DDX19B: variants seen among roughly 807,000 people sequenced by gnomAD.
DDX19B encodes DEAD-box helicase 19B.
DDX19B carries 27 observed loss-of-function variants against 58.1 expected under a neutral mutation model. That is an observed-to-expected ratio of 0.46 (90% CI 0.34 to 0.64). The LOEUF (loss-of-function observed/expected upper bound fraction) is 0.64. Ranked by LOEUF, DDX19B falls within the 30% of genes least tolerant of loss-of-function variation. The probability of loss-of-function intolerance (pLI) is 0.01; values close to 1 mark genes in which losing one functional copy is unlikely to be tolerated. For missense variants in DDX19B, 399 were observed against 596.5 expected (o/e 0.67, Z 3.45); for synonymous variants, 187 against 214.4 (o/e 0.87, Z 1.12).
At chr16:70,323,419 TTC>T (rs1213447909) in intron 5 of DDX19B, among the ~76,000 whole-genome samples, 1 of 147,212 alleles carries the variant, frequency 6.8e-6, no homozygotes, top group African/African-American at 2.5e-5. Flanking sequence ...CCTGCTTTTT[TTC>T]TTTTTTCTTT....
intron 7 of DDX19B, among the ~76,000 whole-genome samples, chr16:70,329,087 G>A (rs1170580598): frequency 6.6e-6 from 1 of 151,508 alleles, no homozygotes; most frequent in African/African-American, 2.4e-5. Flanking sequence ...GCCAGGTGCA[G>A]TGGCAGGTGC....
chr16:70,331,695 C>G, intron 9 of DDX19B, 27 bp from the exon 10 acceptor site: 1 of 1,606,340 alleles, frequency 6.2e-7, no homozygotes, highest in Non-Finnish European at 8.5e-7. Context: ...CAGGTCTCTT[C>G]ATAAAAAACA....
At chr16:70,316,226 TCGAGACAGAGTCTCA>T (rs1962397112) in intron 4 of DDX19B, 122 bp downstream of exon 4, 1 of 1,325,196 alleles carries the variant, frequency 7.5e-7, no homozygotes, top group Admixed American at 2.4e-5. Context: ...TTTTTTTTTT[TCGAGACAGAGTCTCA>T]CTCTGTTGCC....
chr16:70,328,431 C>T (rs530370126), intron 7 of DDX19B, among the ~76,000 whole-genome samples: 9 of 144,558 alleles, frequency 6.2e-5, no homozygotes, highest in Admixed American at 1.4e-4. Context: ...GGCGCGATCT[C>T]GGCTCACTGC....
intron 7 of DDX19B, among the ~76,000 whole-genome samples, chr16:70,326,496 A>AAAAC (rs774547679): frequency 6.6e-6 from 1 of 152,204 alleles, no homozygotes; most frequent in Non-Finnish European, 1.5e-5. Context: ...AAACAAACAA[A>AAAAC]AAACAAACAA....
chr16:70,309,817 C>CAAAAAAAAAAA (rs61033553), intron 1 of DDX19B, among the ~76,000 whole-genome samples: 2 of 42,624 alleles, frequency 4.7e-5, no homozygotes, highest in Non-Finnish European at 7.3e-5. Flanking sequence ...GACTCCGTCT[C>CAAAAAAAAAAA]AAAAAAAAAA....
chr16:70,315,899 T>G (rs1427213528), intron 3 of DDX19B, 70 bp from the exon 4 acceptor site: 1 of 1,550,678 alleles, frequency 6.4e-7, no homozygotes, highest in African/African-American at 1.4e-5. Flanking sequence ...CAAATGGCAG[T>G]TGAATTAGAG....
At chr16:70,327,978 C>G (rs1016031461) in intron 7 of DDX19B, among the ~76,000 whole-genome samples, 5 of 152,000 alleles carry the variant, frequency 3.3e-5, no homozygotes, top group African/African-American at 1.2e-4. Flanking sequence ...ATGATGAAAC[C>G]CAGTCTCTAC....
At position 70,334,543 on chromosome 16, in the gene DDX19B, T is replaced by G. The variant is rs1963633921; in HGVS notation, c.*961T>G. 1 of 152,170 alleles carries G rather than the reference T, an allele frequency of 6.6e-6. No individual in the cohort carries two copies. 9.4% of individuals were successfully genotyped at this position (152,170 alleles called of 1,614,324 possible). A position where few individuals can be genotyped will look rare whatever the true frequency, so the allele number is the denominator to read the frequency against. ...GATCAGCAGTAGTCACAAATTCTTG[T>G]TTTGTCTCCACACCCAGAAGGCAAG... On this transcript the variant is annotated 3_prime_UTR_variant, in exon 12 of 12. Transcript: ENST00000288071.
At position 70,333,163 on chromosome 16, in the gene DDX19B, A is replaced by G. The variant is rs1963568116; in HGVS notation, c.1378+4A>G. On this transcript the variant is annotated splice_donor_region_variant and intron_variant, in intron 11 of 11. Transcript: ENST00000288071. ...AACAGAATCCAGGAGCATTTTAGTG[A>G]GTCCCGGGGAGGGTCCTGTGCCTGG... 1 of 1,400,146 alleles carries G rather than the reference A, an allele frequency of 7.1e-7. No individual in the cohort carries two copies. Among genetic ancestry groups the G allele is most frequent in the Non-Finnish European group, 9.7e-7 (1 of 1,032,172 alleles). 86.7% of individuals were successfully genotyped at this position (1,400,146 alleles called of 1,614,324 possible). A position where few individuals can be genotyped will look rare whatever the true frequency, so the allele number is the denominator to read the frequency against.
upstream of DDX19B, among the ~76,000 whole-genome samples, chr16:70,292,250 CCTGGCTCAGCCT>C (rs1961076208): frequency 6.6e-6 from 1 of 152,078 alleles, no homozygotes; most frequent in African/African-American, 2.4e-5. Flanking sequence ...ACATCTGCCT[CCTGGCTCAGCCT>C]CCCGAGTAGC....
At chr16:70,293,226 G>C (rs933954355), upstream of DDX19B, among the ~76,000 whole-genome samples, 72 of 152,116 alleles carry the variant, frequency 4.7e-4, 1 homozygote, top group Non-Finnish European at 9.0e-4. Flanking sequence ...AGACTAGCCT[G>C]AGCAACATGA....
chr16:70,330,814 T>C (rs758026456), intron 9 of DDX19B, among the ~76,000 whole-genome samples: 2 of 151,306 alleles, frequency 1.3e-5, no homozygotes, highest in Non-Finnish European at 2.9e-5. Flanking sequence ...GAGGCTGAGG[T>C]GGGGGGATCT....
chr16:70,329,315 G>A lies in DDX19B; in HGVS notation c.631G>A (p.Glu211Lys). Residue 211 changes from glutamate (E) to lysine (K), a missense_variant, in exon 8 of 12, where the codon GAG becomes AAG. Coordinates refer to ENST00000288071, the MANE Select transcript of DDX19B (RefSeq NM_007242.7). ...AGTGGAAAGAGGCCAGAAGATCAGT[G>A]AGCAGATTGTCATTGGCACCCCTGG... ...NKLERGQKIS[E>K]QIVIGTPGTV... 1 of 1,613,816 alleles carries A rather than the reference G, an allele frequency of 6.2e-7. No individual in the cohort carries two copies. Among genetic ancestry groups the A allele is most frequent in the Non-Finnish European group, 8.5e-7 (1 of 1,179,946 alleles).
chr16:70,301,996 C>T (rs1961514459), intron 1 of DDX19B, among the ~76,000 whole-genome samples: 1 of 151,666 alleles, frequency 6.6e-6, no homozygotes, highest in African/African-American at 2.4e-5. Context: ...TCTTGGCTCA[C>T]TGCAACCTCT....
At chr16:70,299,752 C>T (rs1331883718) in intron 1 of DDX19B, among the ~76,000 whole-genome samples, 2 of 152,094 alleles carry the variant, frequency 1.3e-5, no homozygotes, top group Admixed American at 1.3e-4. Context: ...ACAGGCTGAG[C>T]CATTGTTCCT....
In DDX19B at chr16:70,333,625, G is replaced by C. The variant is rs943722495; in HGVS notation, c.*43G>C. ...TGATGCCAGCCCTGGCACTGCCCCT[G>C]CACAGGAGACAAGTGCGTTCAGGGC... On this transcript the variant is annotated 3_prime_UTR_variant, in exon 12 of 12. Coordinates refer to ENST00000288071, the MANE Select transcript of DDX19B (RefSeq NM_007242.7). The C allele has an allele frequency of 1.9e-6, 3 of 1,613,726 alleles. No homozygotes were observed. The African/African-American group carries it at 4.0e-5, about 22-fold the overall frequency.
In DDX19B at chr16:70,333,611, C is replaced by T. The variant is rs1372218998; in HGVS notation, c.*29C>T. 1 of 1,614,006 alleles carries T rather than the reference C, an allele frequency of 6.2e-7. No homozygotes were observed. Among genetic ancestry groups the T allele is most frequent in the Admixed American group, 1.7e-5 (1 of 60,018 alleles). On this transcript the variant is annotated 3_prime_UTR_variant, in exon 12 of 12. Coordinates refer to ENST00000288071, the MANE Select transcript of DDX19B (RefSeq NM_007242.7). ...GCTCCACCAGCCACTGATGCCAGCC[C>T]TGGCACTGCCCCTGCACAGGAGACA...
intron 1 of DDX19B, among the ~76,000 whole-genome samples, chr16:70,306,423 T>A (rs1961758827): frequency 6.6e-6 from 1 of 152,182 alleles, no homozygotes; most frequent in African/African-American, 2.4e-5. Context: ...AGTGCTGGGA[T>A]TATAGGCATG....
Sources: gnomAD v4.1 joint callset for allele counts (sites outside exome capture counted in the v4.1 genomes callset) on GRCh38, gnomAD v4.1.1 for gene constraint, MANE v1.5 for transcripts, NCBI Gene and HGNC (gene_info 2026-07-23, HGNC 2026-07-21) for gene names.